The following IGF2R variants were observed in gnomAD, a reference collection of about 807,000 sequenced individuals.
IGF2R encodes the protein insulin like growth factor 2 receptor, also known as cation-independent mannose-6-phosphate receptor.
IGF2R carries 91 observed loss-of-function variants against 270.6 expected under a neutral mutation model. That is an observed-to-expected ratio of 0.34 (90% CI 0.28 to 0.40). The LOEUF is 0.40. IGF2R is among the 10% of genes least tolerant of loss of function. The probability of loss-of-function intolerance (pLI) is 1.00; values close to 1 mark genes in which losing one functional copy is unlikely to be tolerated. For missense variants in IGF2R, 2,805 were observed against 3,188.3 expected (o/e 0.88, Z 2.90); for synonymous variants, 1,316 against 1,258.9 (o/e 1.05, Z -0.96).
At position 160,058,025 on chromosome 6, in the gene IGF2R, T is replaced by C. The variant is rs1434822121; in HGVS notation, c.2799T>C (p.Ala933=). 1.7e-5 allele frequency: 27 copies of C among 1,609,404 alleles called. No individual in the cohort carries two copies. Among genetic ancestry groups the C allele is most frequent in the Non-Finnish European group, 2.0e-5 (23 of 1,175,936 alleles). The change falls in exon 21 of 48, where the codon GCT becomes GCC. Residue 933 remains alanine (A), a splice_region_variant and synonymous_variant. Coordinates refer to ENST00000356956, the MANE Select transcript of IGF2R (RefSeq NM_000876.4). The part of the protein sequence containing the change: ...PIQTTTDTDQ[A]CSIRDPNSGF... ...TTTCCCCATTTTGTTTCCTGTAGGC[T>C]TGCTCTATAAGGGATCCCAACAGTG...
chr6:160,017,877 A>G (rs1174640710), intron 4 of IGF2R, among the ~76,000 whole-genome samples: 1 of 152,214 alleles, frequency 6.6e-6, no homozygotes, highest in East Asian at 1.9e-4. Context: ...CAGGGAAACA[A>G]AAGTTTGATA....
At chr6:159,995,005 T>G (rs1245538000) in intron 2 of IGF2R, among the ~76,000 whole-genome samples, 1 of 152,126 alleles carries the variant, frequency 6.6e-6, no homozygotes, top group East Asian at 1.9e-4. Flanking sequence ...TGATTTTCTG[T>G]GTTGATGATC....
At chr6:160,096,048 T>G (rs1251155830) in intron 44 of IGF2R, 1 of 158,118 alleles carries the variant, frequency 6.3e-6, no homozygotes, top group East Asian at 1.9e-4. Flanking sequence ...TATCTGATAC[T>G]GATCTGTTAG....
chr6:160,009,797 C>G (rs1175105271), intron 3 of IGF2R, among the ~76,000 whole-genome samples: 1 of 152,178 alleles, frequency 6.6e-6, no homozygotes, highest in South Asian at 2.1e-4. Flanking sequence ...AGAACCCAAT[C>G]TTTAGGAAAG....
At chr6:159,980,232 A>AAGG (rs1783774556) in intron 1 of IGF2R, among the ~76,000 whole-genome samples, 2 of 111,164 alleles carry the variant, frequency 1.8e-5, no homozygotes, top group Non-Finnish European at 2.0e-5. Context: ...AGAAAGAAAG[A>AAGG]AAGAAAGGTA....
intron 29 of IGF2R, among the ~76,000 whole-genome samples, chr6:160,065,502 G>A (rs1330486655): frequency 3.9e-5 from 6 of 152,212 alleles, no homozygotes; most frequent in Admixed American, 6.5e-5. Context: ...TTTTAGGAAC[G>A]TATGTAAATG....
In IGF2R at chr6:160,102,556, C is replaced by G. The variant is rs1201481591; in HGVS notation, c.6880C>G (p.Gln2294Glu). Residue 2294 changes from glutamine (Q) to glutamate (E), a missense_variant, in exon 46 of 48, where the codon CAG (glutamine) becomes GAG (glutamate). Physicochemically the swap from Gln to Glu is conservative, Grantham distance 29 (BLOSUM62 2). Around this residue, in one of 2 missense-constraint regions of IGF2R, gnomAD observed 1,851 missense variants for 2,207.2 expected, o/e 0.84. Coordinates refer to ENST00000356956, the MANE Select transcript of IGF2R (RefSeq NM_000876.4). This position sits in a 1 kb window ranked among gnomAD's most constrained non-coding sequence, Gnocchi z 4.5. ...FDSENPGDDG[Q>E]MHKGLSERSQ... Reference sequence around the variant, plus strand: ...CAGCGAGAATCCCGGGGACGACGGGCAGATGCACAAGGGGCTGTCAGAACG... The same window carrying G: ...CAGCGAGAATCCCGGGGACGACGGGGAGATGCACAAGGGGCTGTCAGAACG... The G allele has an allele frequency of 6.2e-7, 1 of 1,613,186 alleles. No individual in the cohort carries two copies. Among genetic ancestry groups the G allele is most frequent in the Non-Finnish European group, 8.5e-7 (1 of 1,179,912 alleles).
chr6:160,090,145 C>A, intron 44 of IGF2R, 42 bp downstream of exon 44: 1 of 1,373,466 alleles, frequency 7.3e-7, no homozygotes, highest in Non-Finnish European at 9.7e-7. Flanking sequence ...TTAACTTCCT[C>A]CAAGGAAGGG....
At chr6:160,054,933 A>G (rs564731777) in intron 19 of IGF2R, among the ~76,000 whole-genome samples, 2 of 152,128 alleles carry the variant, frequency 1.3e-5, no homozygotes. Context: ...GCAGTGGCCC[A>G]GTGGACGCTG....
rs1386087222 is a variant in IGF2R at position 160,080,242 on chromosome 6, G to C, written c.5800G>C (p.Asp1934His). 6.2e-7 allele frequency: 1 copy of C among 1,614,132 alleles called. No homozygotes were observed. The highest frequency in any genetic ancestry group is 1.7e-5 in the Admixed American group (1 of 60,022). ...KLWCSTTADY[D>H]RDHEWGFCRH... ...GTGGTGTAGCACAACTGCGGACTAC[G>C]ACAGAGACCACGAGTGGGGCTTCTG... Residue 1934 changes from aspartate to histidine, a missense_variant, in exon 39 of 48, where the codon GAC becomes CAC. Around this residue, in one of 2 missense-constraint regions of IGF2R, gnomAD observed 1,851 missense variants for 2,207.2 expected, o/e 0.84. Coordinates refer to ENST00000356956, the MANE Select transcript of IGF2R (RefSeq NM_000876.4).
At chr6:160,053,196 C>T (rs1271962002) in intron 19 of IGF2R, among the ~76,000 whole-genome samples, 1 of 152,000 alleles carries the variant, frequency 6.6e-6, no homozygotes, top group Admixed American at 6.6e-5. Context: ...TGCATGTTCT[C>T]ACTTATAGGT....
At position 160,040,556 on chromosome 6, in the gene IGF2R, G is replaced by A; in HGVS notation, c.1316-4G>A. On this transcript the variant is annotated splice_region_variant and splice_polypyrimidine_tract_variant and intron_variant, in intron 10 of 47. Transcript: ENST00000356956. ...GTTTAAATTTCTCCTCTTGAATTGT[G>A]CAGGTAACGATGGGAAAGGAACTCC... The A allele has an allele frequency of 2.5e-6, 4 of 1,613,672 alleles. No homozygotes were observed. Among genetic ancestry groups the A allele is most frequent in the Non-Finnish European group, 3.4e-6 (4 of 1,179,658 alleles).
intron 45 of IGF2R, among the ~76,000 whole-genome samples, chr6:160,101,133 T>C (rs572548691): frequency 1.3e-5 from 2 of 152,002 alleles, no homozygotes; most frequent in Non-Finnish European, 2.9e-5. Flanking sequence ...ACTACATACA[T>C]GATGCAATTA....
At chr6:160,052,323 C>CACACTTGCTACATGAG (rs1778217837) in intron 19 of IGF2R, among the ~76,000 whole-genome samples, 1 of 152,180 alleles carries the variant, frequency 6.6e-6, no homozygotes, top group Non-Finnish European at 1.5e-5. Flanking sequence ...TGAGTGAACT[C>CACACTTGCTACATGAG]CCATTCACAA....
chr6:160,009,732 C>T (rs1238008847), intron 3 of IGF2R, among the ~76,000 whole-genome samples: 1 of 152,098 alleles, frequency 6.6e-6, no homozygotes, highest in Non-Finnish European at 1.5e-5. Flanking sequence ...ATTGTTTTAG[C>T]TCTTGGGAGA....
Position 160,080,261 on chromosome 6 carries a change from G to T in IGF2R, c.5819G>T (p.Gly1940Val). The T allele has an allele frequency of 1.9e-6, 3 of 1,614,014 alleles. No homozygotes were observed. The highest frequency in any genetic ancestry group is 2.5e-6 in the Non-Finnish European group (3 of 1,179,992). Residue 1940 changes from glycine to valine, a missense_variant, in exon 39 of 48, where the codon GGC becomes GTC. Transcript: ENST00000356956. The stretch of plus-strand genomic sequence containing the variant: ...GACTACGACAGAGACCACGAGTGGG[G>T]CTTCTGCAGACACTGTGAGTAGGAC... ...TADYDRDHEW[G>V]FCRHSNSYRT...
chr6:160,061,768 C>T lies in IGF2R; in HGVS notation c.3422C>T (p.Ser1141Phe). 1 of 1,614,154 alleles carries T rather than the reference C, an allele frequency of 6.2e-7. No individual in the cohort carries two copies. Among genetic ancestry groups the T allele is most frequent in the Non-Finnish European group, 8.5e-7 (1 of 1,180,028 alleles). The change falls in exon 25 of 48, where the codon TCT becomes TTT. Residue 1141 changes from serine (S) to phenylalanine (F), a missense_variant. Physicochemically the swap from Ser to Phe is radical, Grantham distance 155 (BLOSUM62 -2). This residue lies in a region of IGF2R where 1,851 missense variants were observed against 2,207.2 expected (regional missense o/e 0.84). Transcript: ENST00000356956. ...GTTCTTCCAGGCAGCGCAGTGGGGT[C>T]TTGCTTAGTGTCAGAAGGCAATAGC... ...IPGCQGSAVG[S>F]CLVSEGNSWN...
In IGF2R at chr6:160,105,307, C is replaced by A; in HGVS notation, c.*223C>A. ...GGCATGGCTCAGATCGGCCACAGGG[C>A]GGTACCTTGTGCCCAGGGTTTTGCC... On this transcript the variant is annotated 3_prime_UTR_variant, in exon 48 of 48. Coordinates refer to ENST00000356956, the MANE Select transcript of IGF2R (RefSeq NM_000876.4). 2.0e-6 allele frequency: 1 copy of A among 505,768 alleles called. No homozygotes were observed. Among genetic ancestry groups the A allele is most frequent in the South Asian group, 3.1e-5 (1 of 31,798 alleles). 31.3% of individuals were successfully genotyped at this position (505,768 alleles called of 1,614,324 possible).
chr6:160,054,366 G>C (rs1778262904), intron 19 of IGF2R, among the ~76,000 whole-genome samples: 1 of 152,294 alleles, frequency 6.6e-6, no homozygotes, highest in East Asian at 1.9e-4. Flanking sequence ...TATGTCGAAA[G>C]GTGAAGCAGA....
Sources: gnomAD v4.1 joint callset for allele counts (sites outside exome capture counted in the v4.1 genomes callset) on GRCh38, gnomAD v4.1.1 for gene constraint, gnomAD v4.1.1 regional missense constraint, Gnocchi (gnomAD v3.1) non-coding constraint, MANE v1.5 for transcripts, NCBI Gene and HGNC (gene_info 2026-07-23, HGNC 2026-07-21) for gene names.